Variants in ZYX observed in about 807,000 individuals in gnomAD.
ZYX encodes the protein zyxin.
Under a neutral mutation model 58.1 loss-of-function variants are expected in ZYX, and 37 were observed. The ratio of observed to expected loss-of-function variants is 0.64; its 90% confidence interval spans 0.49 to 0.84. ZYX has a LOEUF of 0.84. ZYX is among the 40% of genes least tolerant of loss of function. ZYX has a pLI of 0.00. For synonymous variants in ZYX, 324 were observed against 321.1 expected, an observed-to-expected ratio of 1.01 and a Z score of -0.10; for missense variants, 762 against 761.6, an observed-to-expected ratio of 1.00 and a Z score of -0.01.
At chr7:143,383,436 C>T (rs1804734886) in intron 5 of ZYX, 114 bp downstream of exon 5, 18 of 868,196 alleles carry the variant, frequency 2.1e-5, no homozygotes, top group East Asian at 4.2e-5. Context: ...ACGGGGGTTG[C>T]GGGGTGGCGG....
chr7:143,388,408 C>CA lies in ZYX; in HGVS notation c.1144+70dup. On this transcript the variant is annotated intron_variant, in intron 6 of 9. Transcript: ENST00000322764. The surrounding 1 kb of genome is among the most constrained non-coding windows in gnomAD (Gnocchi z 7.5). ...ACGGTGGGGGCCAGGGCTGTGGCTC[C>CA]ACTCCCTATCTGAGCTGGCTGATCC... is the stretch of plus-strand genomic sequence containing the variant. 6.2e-7 allele frequency: 1 copy of CA among 1,607,494 alleles called. No individual in the cohort carries two copies. The highest frequency in any genetic ancestry group is 8.5e-7 in the Non-Finnish European group (1 of 1,175,404).
At chr7:143,382,509 T>C in intron 3 of ZYX, 62 bp downstream of exon 3, 15 of 1,587,486 alleles carry the variant, frequency 9.4e-6, no homozygotes, top group East Asian at 2.2e-5. Flanking sequence ...AAGAGGGCCC[T>C]TTCTTCTTAC....
rs59995035 is a variant in ZYX, at chr7:143,385,660, C to CTTTTTTT, written c.1023+2358_1023+2364dup. ...TGTGTGAGCGTGTGGTGTGGTATAT[C>CTTTTTTT]TTTTTTTTTTTTTTTTTTTTTTTTT... On this transcript the variant is annotated intron_variant, in intron 5 of 9. Coordinates refer to ENST00000322764, the MANE Select transcript of ZYX (RefSeq NM_003461.5). 7.7e-3 allele frequency among the ~76,000 whole-genome samples: 530 copies of CTTTTTTT among 68,964 alleles called. 36 individuals are homozygous for CTTTTTTT. The highest frequency in any genetic ancestry group is 0.031 in the Middle Eastern group (2 of 64). The allele number at this position is 68,964 out of a possible 152,430, so 45.2% of individuals were successfully genotyped here.
chr7:143,383,506 C>G (rs1232552666), intron 5 of ZYX, among the ~76,000 whole-genome samples, 184 bp downstream of exon 5: 1 of 151,684 alleles, frequency 6.6e-6, no homozygotes, highest in Non-Finnish European at 1.5e-5. Flanking sequence ...AAATGCTCCT[C>G]TGGAGGAGAG....
rs778518202 is a variant in ZYX at position 143,388,799 on chromosome 7, G to T, written c.1347G>T (p.Glu449Asp). 33 of 1,613,926 alleles carry T rather than the reference G, an allele frequency of 2.0e-5. No individual in the cohort carries two copies. The highest frequency in any genetic ancestry group is 2.6e-5 in the Non-Finnish European group (31 of 1,179,980). The change falls in exon 8 of 10, where the codon GAG (glutamate) becomes GAT (aspartate). Residue 449 changes from glutamate to aspartate, a missense_variant. Transcript: ENST00000322764. The surrounding 1 kb of genome is among the most constrained non-coding windows in gnomAD (Gnocchi z 7.5). ...DTLEKCNTCG[E>D]PITDRMLRAT... ...TGGAGAAGTGTAACACCTGCGGGGA[G>T]CCCATCACTGACCGCATGCTGAGGG...
In ZYX at chr7:143,390,236, A is replaced by T. The variant is rs1805022751; in HGVS notation, c.1614+259A>T. 3.6e-6 allele frequency: 2 copies of T among 553,518 alleles called. No individual in the cohort carries two copies. The highest frequency in any genetic ancestry group is 6.5e-6 in the Non-Finnish European group (2 of 309,760). 34.3% of individuals were successfully genotyped at this position (553,518 alleles called of 1,614,324 possible). ...CAAGCCAATAGGAGAGAAGAAGGGC[A>T]TGGTGTTTTACCGTGGTAGGGGATG... is the stretch of plus-strand genomic sequence containing the variant. On this transcript the variant is annotated intron_variant, in intron 9 of 9. Transcript: ENST00000322764. The surrounding 1 kb of genome is among the most constrained non-coding windows in gnomAD (Gnocchi z 4.3).
Position 143,387,782 on chromosome 7 carries a change from G to C in ZYX, c.1024-437G>C, listed in dbSNP as rs1804918755. The C allele has an allele frequency of 2.1e-6, 1 of 472,890 alleles. No individual in the cohort carries two copies. Among genetic ancestry groups the C allele is most frequent in the Non-Finnish European group, 4.4e-6 (1 of 228,280 alleles). The allele number at this position is 472,890 out of a possible 1,614,324, so 29.3% of individuals were successfully genotyped here. A position where few individuals can be genotyped will look rare whatever the true frequency, so the allele number is the denominator to read the frequency against. ...GACAGGGGCTGCTCAGCAGCAGGCA[G>C]GCCGGGTAGGTGTGTGTGCGCGTGT... is the stretch of plus-strand genomic sequence containing the variant. On this transcript the variant is annotated intron_variant, in intron 5 of 9. Coordinates refer to ENST00000322764, the MANE Select transcript of ZYX (RefSeq NM_003461.5). The surrounding 1 kb of genome is among the most constrained non-coding windows in gnomAD (Gnocchi z 5.8).
At position 143,387,331 on chromosome 7, in the gene ZYX, T is replaced by C. The variant is rs1804899410; in HGVS notation, c.1024-888T>C. ...GGGGCTTTGGAGGTTCCAGGTGTTA[T>C]GGGAATGAAGGCATCTGCAGGTAGC... On this transcript the variant is annotated intron_variant, in intron 5 of 9. Coordinates refer to ENST00000322764, the MANE Select transcript of ZYX (RefSeq NM_003461.5). This position sits in a 1 kb window ranked among gnomAD's most constrained non-coding sequence, Gnocchi z 5.8. Among the ~76,000 whole-genome samples, 1 of 152,002 alleles carries C rather than the reference T, an allele frequency of 6.6e-6. No homozygotes were observed. Among genetic ancestry groups the C allele is most frequent in the African/African-American group, 2.4e-5 (1 of 41,416 alleles).
Position 143,382,274 on chromosome 7 carries a change from G to A in ZYX, c.235G>A (p.Ala79Thr). Residue 79 changes from alanine to threonine, a missense_variant, in exon 3 of 10, where the codon GCT (alanine) becomes ACT (threonine). By Grantham distance (58) the Ala-to-Thr change is moderately conservative. Transcript: ENST00000322764. ...EDFPLPPPPLAGDGDDAEGAL... is the reference protein window; with the variant it reads ...EDFPLPPPPLTGDGDDAEGAL... ...CTTTCCCCTGCCTCCACCTCCCCTTGCTGGGGATGGCGACGATGCAGAGGG... is the reference window on the plus strand; with the variant it reads ...CTTTCCCCTGCCTCCACCTCCCCTTACTGGGGATGGCGACGATGCAGAGGG... The A allele has an allele frequency of 6.2e-7, 1 of 1,612,768 alleles. No homozygotes were observed. Among genetic ancestry groups the A allele is most frequent in the South Asian group, 1.1e-5 (1 of 90,960 alleles).
Position 143,390,800 on chromosome 7 carries a change from C to T in ZYX, c.*118C>T. ...TGTCTAGCCCCTCCCATTTCCAACC[C>T]CTCCCTAGCATCCCAGGTGCCCTGA... On this transcript the variant is annotated 3_prime_UTR_variant, in exon 10 of 10. Transcript: ENST00000322764. This position sits in a 1 kb window ranked among gnomAD's most constrained non-coding sequence, Gnocchi z 4.3. The T allele has an allele frequency of 1.3e-6, 1 of 776,680 alleles. No individual in the cohort carries two copies. The highest frequency in any genetic ancestry group is 2.1e-6 in the Non-Finnish European group (1 of 468,954). The allele number at this position is 776,680 out of a possible 1,614,324, so 48.1% of individuals were successfully genotyped here.
Position 143,381,583 on chromosome 7 carries a change from C to G in ZYX, c.12C>G (p.Pro4=). MAA[P]RPSPAISVSV... ...AGCCCGGCCCGGCCATGGCGGCCCC[C>G]CGCCCGTCTCCCGCGATCTCCGTTT... The change falls in exon 2 of 10, where the codon CCC becomes CCG. Residue 4 remains proline (P), a synonymous_variant. Coordinates refer to ENST00000322764, the MANE Select transcript of ZYX (RefSeq NM_003461.5). The G allele has an allele frequency of 1.1e-5, 18 of 1,610,544 alleles. No homozygotes were observed. The highest frequency in any genetic ancestry group is 1.7e-5 in the Admixed American group (1 of 59,936).
Position 143,388,176 on chromosome 7 carries a change from G to A in ZYX, c.1024-43G>A. ...AGGCTGGCCTGGGAAGGTTCTTGGA[G>A]GCAGCAGCCCTCTAGAGTGTGAGGA... On this transcript the variant is annotated intron_variant, in intron 5 of 9. Coordinates refer to ENST00000322764, the MANE Select transcript of ZYX (RefSeq NM_003461.5). This position sits in a 1 kb window ranked among gnomAD's most constrained non-coding sequence, Gnocchi z 7.5. The A allele has an allele frequency of 1.3e-6, 2 of 1,554,498 alleles. No homozygotes were observed. The highest frequency in any genetic ancestry group is 1.7e-6 in the Non-Finnish European group (2 of 1,149,714).
At chr7:143,383,800 G>A (rs1236273630) in intron 5 of ZYX, among the ~76,000 whole-genome samples, 3 of 152,214 alleles carry the variant, frequency 2.0e-5, no homozygotes, top group Non-Finnish European at 2.9e-5. Flanking sequence ...ACTGTGCTCT[G>A]TGCCCAGGAG....
Position 143,389,054 on chromosome 7 carries a change from G to C in ZYX, c.1493+109G>C. 7.7e-7 allele frequency: 1 copy of C among 1,303,990 alleles called. No homozygotes were observed. Among genetic ancestry groups the C allele is most frequent in the African/African-American group, 1.5e-5 (1 of 68,034 alleles). 80.8% of individuals were successfully genotyped at this position (1,303,990 alleles called of 1,614,324 possible). ...CCCCAAACCCCTGGTGGTGTTTTCT[G>C]GTCCCATGTCCTGTCTGTAAACAGC... On this transcript the variant is annotated intron_variant, in intron 8 of 9. Coordinates refer to ENST00000322764, the MANE Select transcript of ZYX (RefSeq NM_003461.5). The surrounding 1 kb of genome is among the most constrained non-coding windows in gnomAD (Gnocchi z 5.6).
chr7:143,386,522 G>A (rs1307027041), intron 5 of ZYX, among the ~76,000 whole-genome samples: 1 of 152,120 alleles, frequency 6.6e-6, no homozygotes, highest in Non-Finnish European at 1.5e-5. Flanking sequence ...GCAGTGTTCA[G>A]TGATCTCTCC....
chr7:143,389,900 C>A lies in ZYX; in HGVS notation c.1537C>A (p.Pro513Thr). The A allele has an allele frequency of 6.2e-7, 1 of 1,614,182 alleles. No individual in the cohort carries two copies. The highest frequency in any genetic ancestry group is 8.5e-7 in the Non-Finnish European group (1 of 1,179,998). The change falls in exon 9 of 10, where the codon CCT becomes ACT. Residue 513 changes from proline to threonine, a missense_variant. By Grantham distance (38) the Pro-to-Thr change is conservative. Transcript: ENST00000322764. The surrounding 1 kb of genome is among the most constrained non-coding windows in gnomAD (Gnocchi z 5.6). ...RCSVCSEPIM[P>T]EPGRDETVRV... ...CTCCGTCTGCTCTGAGCCCATCATGCCTGAGCCTGGCCGAGATGAGACTGT... is the reference window on the plus strand; with the variant it reads ...CTCCGTCTGCTCTGAGCCCATCATGACTGAGCCTGGCCGAGATGAGACTGT...
In ZYX at chr7:143,388,794, G is replaced by A. The variant is rs376217001; in HGVS notation, c.1342G>A (p.Gly448Arg). The A allele has an allele frequency of 6.2e-6, 10 of 1,613,828 alleles. No homozygotes were observed. Among genetic ancestry groups the A allele is most frequent in the South Asian group, 2.2e-5 (2 of 91,078 alleles). The change falls in exon 8 of 10, where the codon GGG becomes AGG. Residue 448 changes from glycine to arginine, a missense_variant. Physicochemically the swap from Gly to Arg is moderately radical, Grantham distance 125. Coordinates refer to ENST00000322764, the MANE Select transcript of ZYX (RefSeq NM_003461.5). The surrounding 1 kb of genome is among the most constrained non-coding windows in gnomAD (Gnocchi z 7.5). ...TDTLEKCNTC[G>R]EPITDRMLRA... ...CACCCTGGAGAAGTGTAACACCTGC[G>A]GGGAGCCCATCACTGACCGCATGCT...
At chr7:143,386,124 CTG>C (rs1804857561) in intron 5 of ZYX, among the ~76,000 whole-genome samples, 2 of 151,556 alleles carry the variant, frequency 1.3e-5, no homozygotes, top group African/African-American at 4.9e-5. Flanking sequence ...GTGTTTGAGT[CTG>C]TGGTGTAGCA....
At chr7:143,382,733 T>C (rs1804681890) in intron 4 of ZYX, 48 bp downstream of exon 4, 1 of 1,613,874 alleles carries the variant, frequency 6.2e-7, no homozygotes, top group Non-Finnish European at 8.5e-7. Flanking sequence ...CCAGAGAGAC[T>C]GGGCATAGAA....
Sources: gnomAD v4.1 joint callset for allele counts (sites outside exome capture counted in the v4.1 genomes callset) on GRCh38, gnomAD v4.1.1 for gene constraint, Gnocchi (gnomAD v3.1) non-coding constraint, MANE v1.5 for transcripts, NCBI Gene and HGNC (gene_info 2026-07-23, HGNC 2026-07-21) for gene names.